The following SDAD1 variants were observed in gnomAD, a reference collection of about 807,000 sequenced individuals.
SDAD1 encodes protein SDA1 homolog.
In SDAD1, 79 loss-of-function variants were observed where a neutral mutation model predicts 100.3. The observed-to-expected ratio is 0.79, with a 90% CI of 0.66 to 0.95. The LOEUF is 0.95. Among genes scored for constraint, SDAD1 ranks in the 40% least tolerant of loss-of-function variants. The pLI, the probability that SDAD1 is intolerant of heterozygous loss-of-function variation, is 0.00. For synonymous variants in SDAD1, 267 were observed against 271.4 expected (o/e 0.98, Z 0.16); for missense variants, 790 against 810.9 (o/e 0.97, Z 0.31).
chr4:75,963,398 T>C (rs1212816587), intron 14 of SDAD1, among the ~76,000 whole-genome samples: 1 of 152,182 alleles, frequency 6.6e-6, no homozygotes, highest in Non-Finnish European at 1.5e-5. Flanking sequence ...ATATGAACTT[T>C]AAAGTAGTTT....
intron 21 of SDAD1, among the ~76,000 whole-genome samples, chr4:75,954,668 T>C (rs1480334833): frequency 6.6e-6 from 1 of 152,180 alleles, no homozygotes; most frequent in African/African-American, 2.4e-5. Flanking sequence ...CAAAATTGCA[T>C]GCAAGATTGT....
chr4:75,976,081 G>A, intron 4 of SDAD1, 86 bp from the exon 5 acceptor site: 1 of 775,712 alleles, frequency 1.3e-6, no homozygotes, highest in Non-Finnish European at 2.0e-6. Context: ...TGAATGTACA[G>A]GATGACTTAA....
chr4:75,971,703 T>A (rs865814707), intron 8 of SDAD1, among the ~76,000 whole-genome samples: 3 of 152,002 alleles, frequency 2.0e-5, no homozygotes, highest in Non-Finnish European at 4.4e-5. Context: ...AAACTGTGTC[T>A]CTACTAAAAA....
chr4:75,986,303 T>C (rs1380918392), intron 1 of SDAD1, among the ~76,000 whole-genome samples: 1 of 152,118 alleles, frequency 6.6e-6, no homozygotes, highest in Non-Finnish European at 1.5e-5. Flanking sequence ...GCCCTGCGTG[T>C]ACTCCAGCAA....
chr4:75,980,027 A>G (rs1730408733), intron 3 of SDAD1, among the ~76,000 whole-genome samples: 1 of 152,150 alleles, frequency 6.6e-6, no homozygotes, highest in African/African-American at 2.4e-5. Flanking sequence ...CCCACAGACC[A>G]GTTTGGTGGG....
chr4:75,967,198 A>T, intron 12 of SDAD1, 79 bp downstream of exon 12: 1 of 1,330,978 alleles, frequency 7.5e-7, no homozygotes, highest in African/African-American at 1.4e-5. Flanking sequence ...TCCTGTCTTT[A>T]GTGATTCCAG....
At chr4:75,967,794 A>G (rs1729630415) in intron 11 of SDAD1, among the ~76,000 whole-genome samples, 2 of 152,234 alleles carry the variant, frequency 1.3e-5, no homozygotes, top group African/African-American at 4.8e-5. Flanking sequence ...ATATTCTTGT[A>G]TACCAGTCCA....
chr4:75,950,213 C>A lies in SDAD1; in HGVS notation c.*537G>T, dbSNP rs891848220. 2 of 151,696 alleles carry A rather than the reference C, an allele frequency of 1.3e-5. No homozygotes were observed. The highest frequency in any genetic ancestry group is 4.9e-5 in the African/African-American group (2 of 41,078). 9.4% of individuals were successfully genotyped at this position (151,696 alleles called of 1,614,324 possible). A position where few individuals can be genotyped will look rare whatever the true frequency, so the allele number is the denominator to read the frequency against. On this transcript the variant is annotated 3_prime_UTR_variant, in exon 22 of 22. Coordinates refer to ENST00000356260, the MANE Select transcript of SDAD1 (RefSeq NM_018115.4). Reference sequence around the variant, plus strand: ...GTACCCAAAATCTGTACAGCAGGGGCCTGTTTTCAGCAGGAAAGCCTATGT... The same window carrying A: ...GTACCCAAAATCTGTACAGCAGGGGACTGTTTTCAGCAGGAAAGCCTATGT...
Position 75,965,791 on chromosome 4 carries a change from T to G in SDAD1, c.1077A>C (p.Gln359His). ...CTGGGGGTACTAGGTGATGAGATGC[T>G]TGTGCAGCAAACAGAAGGATCTTGG... ...EVTKILLFAA[Q>H]ASHHLVPPEI... Residue 359 changes from glutamine (Q) to histidine (H), a missense_variant, in exon 13 of 22, where the codon CAA (glutamine) becomes CAC (histidine). Gln to His is a conservative substitution (Grantham distance 24). Transcript: ENST00000356260. The G allele has an allele frequency of 6.2e-7, 1 of 1,613,848 alleles. No individual in the cohort carries two copies. Among genetic ancestry groups the G allele is most frequent in the East Asian group, 2.2e-5 (1 of 44,882 alleles).
Position 75,990,932 on chromosome 4 carries a change from G to T in SDAD1, c.-91C>A, listed in dbSNP as rs909164681. ...TCCCTGCCAGCTGCAGCTTGGACTC[G>T]TGTTTCCGGGTATGACCGGAAATAG... On this transcript the variant is annotated 5_prime_UTR_variant, in exon 1 of 22. Coordinates refer to ENST00000356260, the MANE Select transcript of SDAD1 (RefSeq NM_018115.4). 5 of 1,486,572 alleles carry T rather than the reference G, an allele frequency of 3.4e-6. No homozygotes were observed. In the African/African-American group the frequency reaches 4.1e-5, roughly 12 times the overall value. 92.1% of individuals were successfully genotyped at this position (1,486,572 alleles called of 1,614,324 possible).
At chr4:75,970,456 G>A in intron 9 of SDAD1, 78 bp from the exon 10 acceptor site, 2 of 1,078,242 alleles carry the variant, frequency 1.9e-6, no homozygotes, top group Non-Finnish European at 2.8e-6. Flanking sequence ...TAATAAGGCT[G>A]TTATAAGTCC....
chr4:75,972,729 A>T (rs1195837890), intron 8 of SDAD1, among the ~76,000 whole-genome samples: 1 of 149,560 alleles, frequency 6.7e-6, no homozygotes, highest in Non-Finnish European at 1.5e-5. Context: ...CCTCAAAAAC[A>T]TGCTGGTGAT....
Position 75,973,406 on chromosome 4 carries a change from G to GA in SDAD1, c.637-16dup. On this transcript the variant is annotated splice_polypyrimidine_tract_variant and intron_variant, in intron 7 of 21. Coordinates refer to ENST00000356260, the MANE Select transcript of SDAD1 (RefSeq NM_018115.4). ...GCAACTAATATCTAAACACCAATGA[G>GA]AAAAAAGTCAGCTACTTGATTCAGC... The GA allele has an allele frequency of 1.3e-6, 2 of 1,594,598 alleles. No homozygotes were observed. Among genetic ancestry groups the GA allele is most frequent in the Non-Finnish European group, 1.7e-6 (2 of 1,163,150 alleles).
intron 1 of SDAD1, 101 bp from the exon 2 acceptor site, chr4:75,982,138 C>T: frequency 3.0e-6 from 2 of 666,172 alleles, no homozygotes; most frequent in Non-Finnish European, 5.0e-6. Context: ...TTGACGATCA[C>T]ATGGAGAAAA....
chr4:75,970,175 A>T, intron 10 of SDAD1, 134 bp downstream of exon 10: 1 of 673,996 alleles, frequency 1.5e-6, no homozygotes. Flanking sequence ...GTTACAACCA[A>T]CTAGTAACAA....
chr4:75,973,332 A>C lies in SDAD1; in HGVS notation c.696T>G (p.Ser232Arg). Residue 232 changes from serine (S) to arginine (R), a missense_variant, in exon 8 of 22, where the codon AGT (serine) becomes AGG (arginine). By Grantham distance (110) the Ser-to-Arg change is moderately radical. Transcript: ENST00000356260. ...LGKDEDEKQD[S>R]DSESEDDGPT... ...TTAAACTAACCTCAGATTCGGAGTC[A>C]CTGTCCTGTTTTTCATCTTCATCTT... 1 of 1,613,376 alleles carries C rather than the reference A, an allele frequency of 6.2e-7. No individual in the cohort carries two copies. Among genetic ancestry groups the C allele is most frequent in the Non-Finnish European group, 8.5e-7 (1 of 1,179,474 alleles).
rs761026049 is a variant in SDAD1, at chr4:75,973,363, A to T, written c.665T>A (p.Leu222His). Residue 222 changes from leucine (L) to histidine (H), a missense_variant, in exon 8 of 22, where the codon CTT becomes CAT. By Grantham distance (99) the Leu-to-His change is moderately conservative. Coordinates refer to ENST00000356260, the MANE Select transcript of SDAD1 (RefSeq NM_018115.4). ...KILVAALTFFLGKDEDEKQDS... is the reference protein window; with the variant it reads ...KILVAALTFFHGKDEDEKQDS... Reference sequence around the variant, plus strand: ...CTGTTTTTCATCTTCATCTTTCCCAAGAAAGAATGTCAAAGCGGCAACTAA... The same window carrying T: ...CTGTTTTTCATCTTCATCTTTCCCATGAAAGAATGTCAAAGCGGCAACTAA... 1 of 1,613,706 alleles carries T rather than the reference A, an allele frequency of 6.2e-7. No homozygotes were observed. The highest frequency in any genetic ancestry group is 1.7e-5 in the Admixed American group (1 of 60,022).
Position 75,960,799 on chromosome 4 carries a change from A to G in SDAD1, c.1356+229T>C, listed in dbSNP as rs541796853. ...AATAACATTAAAAGCTTTCAAGCTG[A>G]AACAGCCTGATAGGTCTTCAAGACA... On this transcript the variant is annotated intron_variant, in intron 16 of 21. Transcript: ENST00000356260. 3.9e-5 allele frequency among the ~76,000 whole-genome samples: 6 copies of G among 152,354 alleles called. No homozygotes were observed. In the South Asian group the frequency reaches 1.2e-3, roughly 32 times the overall value.
In SDAD1 at chr4:75,962,717, A is replaced by G. The variant is rs1729317381; in HGVS notation, c.1182-1409T>C. On this transcript the variant is annotated intron_variant, in intron 14 of 21. Transcript: ENST00000356260. ...GTCTTCTTTTGAGAAGCATCTGTTCATATCCTTTGCCCACTTGTTGATGGG... is the reference window on the plus strand; with the variant it reads ...GTCTTCTTTTGAGAAGCATCTGTTCGTATCCTTTGCCCACTTGTTGATGGG... Among the ~76,000 whole-genome samples, 3 of 152,156 alleles carry G rather than the reference A, an allele frequency of 2.0e-5. No homozygotes were observed. In the South Asian group the frequency reaches 6.2e-4, roughly 32 times the overall value.
Sources: gnomAD v4.1 joint callset for allele counts (sites outside exome capture counted in the v4.1 genomes callset) on GRCh38, gnomAD v4.1.1 for gene constraint, MANE v1.5 for transcripts, NCBI Gene and HGNC (gene_info 2026-07-23, HGNC 2026-07-21) for gene names.